Variants in SCN8A observed in about 807,000 individuals in gnomAD.
SCN8A encodes sodium voltage-gated channel alpha subunit 8.
A neutral mutation model predicts 184.1 loss-of-function variants in SCN8A; 30 were observed. That is an observed-to-expected ratio of 0.16 (90% CI 0.12 to 0.22). The LOEUF is 0.22. Among genes scored for constraint, SCN8A ranks in the 10% least tolerant of loss-of-function variants. The pLI, the probability that SCN8A is intolerant of heterozygous loss-of-function variation, is 1.00. For synonymous variants in SCN8A, 852 were observed against 907.0 expected (o/e 0.94, Z 1.09); for missense variants, 1,057 against 2,498.9 (o/e 0.42, Z 12.30).
intron 21 of SCN8A, among the ~76,000 whole-genome samples, chr12:51,781,761 A>G (rs1397556790): frequency 2.0e-5 from 3 of 152,226 alleles, no homozygotes; most frequent in African/African-American, 7.2e-5. Context: ...GGTCTGTTAT[A>G]CTTAACGAGA....
intron 21 of SCN8A, among the ~76,000 whole-genome samples, chr12:51,786,223 T>A (rs189216592): frequency 6.6e-6 from 1 of 152,212 alleles, no homozygotes; most frequent in African/African-American, 2.4e-5. Context: ...ATTTTATGAA[T>A]TGAGGAAGAG....
chr12:51,786,865 A>C, intron 22 of SCN8A, 39 bp downstream of exon 22: 1 of 1,569,992 alleles, frequency 6.4e-7, no homozygotes, highest in Non-Finnish European at 8.6e-7. Flanking sequence ...CAGTTCTGTG[A>C]AATTCAGGCA....
intron 1 of SCN8A, among the ~76,000 whole-genome samples, chr12:51,595,777 G>A (rs1408748261): frequency 2.0e-5 from 3 of 152,144 alleles, no homozygotes; most frequent in Non-Finnish European, 4.4e-5. Flanking sequence ...TGTATTTGAC[G>A]TAGTATATAT....
In SCN8A at chr12:51,701,142, A is replaced by G; in HGVS notation, c.929-2A>G. Reference sequence around the variant, plus strand: ...ATTTCCTGCCTCTTCAAACTTTTCTAGCAAATTTCTACACAGTTCCTGGCA... The same window carrying G: ...ATTTCCTGCCTCTTCAAACTTTTCTGGCAAATTTCTACACAGTTCCTGGCA... On this transcript the variant is annotated splice_acceptor_variant, in intron 7 of 26. Coordinates refer to ENST00000627620, the MANE Select transcript of SCN8A (RefSeq NM_001330260.2). LOFTEE classifies it high-confidence loss of function. 6.2e-7 allele frequency: 1 copy of G among 1,612,370 alleles called. No homozygotes were observed. Among genetic ancestry groups the G allele is most frequent in the Non-Finnish European group, 8.5e-7 (1 of 1,178,674 alleles).
At chr12:51,612,617 TTAATA>T (rs2138580180) in intron 1 of SCN8A, among the ~76,000 whole-genome samples, 2 of 152,368 alleles carry the variant, frequency 1.3e-5, no homozygotes, top group South Asian at 2.1e-4. Flanking sequence ...GTTTAGTCTG[TTAATA>T]TAATGAATTA....
intron 21 of SCN8A, among the ~76,000 whole-genome samples, chr12:51,785,036 CCTAAT>C (rs1404305469): frequency 1.3e-5 from 2 of 152,190 alleles, no homozygotes; most frequent in African/African-American, 4.8e-5. Context: ...TGAATCTTTA[CCTAAT>C]CTACTCCCGT....
rs1158605002 is a variant in SCN8A, at chr12:51,740,455, C to A, written c.1999-5448C>A. On this transcript the variant is annotated intron_variant, in intron 12 of 26. Transcript: ENST00000627620. ...TAATCTCCATGTGTTTGTATCATTT[C>A]CAAAATTCCTCTTATTGATTTCTGG... Among the ~76,000 whole-genome samples, 6 of 152,170 alleles carry A rather than the reference C, an allele frequency of 3.9e-5. No individual in the cohort carries two copies. The East Asian group carries it at 1.2e-3, about 29-fold the overall frequency.
At chr12:51,662,282 T>G (rs957356998) in intron 1 of SCN8A, among the ~76,000 whole-genome samples, 3 of 152,338 alleles carry the variant, frequency 2.0e-5, no homozygotes, top group African/African-American at 7.2e-5. Flanking sequence ...TTTGAAGGGT[T>G]TATTTTGTTT....
intron 1 of SCN8A, among the ~76,000 whole-genome samples, chr12:51,620,453 G>C (rs1290607169): frequency 6.6e-6 from 1 of 152,064 alleles, no homozygotes; most frequent in African/African-American, 2.4e-5. Context: ...GGTTTTGGTA[G>C]CTCTTCAAAT....
intron 1 of SCN8A, among the ~76,000 whole-genome samples, chr12:51,602,144 A>G (rs1445852852): frequency 6.6e-6 from 1 of 152,176 alleles, no homozygotes; most frequent in African/African-American, 2.4e-5. Flanking sequence ...GGTAGTATTA[A>G]GAAAAATCCA....
At position 51,719,564 on chromosome 12, in the gene SCN8A, C is replaced by T. The variant is rs1419764932; in HGVS notation, c.1636-1982C>T. On this transcript the variant is annotated intron_variant, in intron 11 of 26. Transcript: ENST00000627620. The stretch of plus-strand genomic sequence containing the variant: ...AAGTGTTAACAGGCTGGGCGTGGTG[C>T]CTCCCTCCTGTAATCCCAGCACTTT... 5.6e-5 allele frequency among the ~76,000 whole-genome samples: 5 copies of T among 89,742 alleles called. No homozygotes were observed. The East Asian group carries it at 1.2e-3, about 22-fold the overall frequency. The allele number at this position is 89,742 out of a possible 152,430, so 58.9% of individuals were successfully genotyped here. A position where few individuals can be genotyped will look rare whatever the true frequency, so the allele number is the denominator to read the frequency against.
chr12:51,595,711 A>G (rs1445332422), intron 1 of SCN8A, among the ~76,000 whole-genome samples: 1 of 152,164 alleles, frequency 6.6e-6, no homozygotes, highest in Non-Finnish European at 1.5e-5. Context: ...ATAGTGCTTA[A>G]TATATATTAG....
intron 2 of SCN8A, among the ~76,000 whole-genome samples, chr12:51,664,233 A>T (rs1940985379): frequency 6.6e-6 from 1 of 151,162 alleles, no homozygotes; most frequent in Admixed American, 6.6e-5. Context: ...TTTGAGACAG[A>T]GTCTCGCACT....
chr12:51,720,201 A>G (rs1444488007), intron 11 of SCN8A, among the ~76,000 whole-genome samples: 1 of 151,134 alleles, frequency 6.6e-6, no homozygotes, highest in Non-Finnish European at 1.5e-5. Context: ...TTTGAGAATT[A>G]TATACTTTAC....
chr12:51,773,182 G>A (rs1942956021), intron 19 of SCN8A, among the ~76,000 whole-genome samples: 1 of 151,484 alleles, frequency 6.6e-6, no homozygotes, highest in East Asian at 1.9e-4. Context: ...GGAAGGTGAC[G>A]CTGCAGACAA....
intron 6 of SCN8A, among the ~76,000 whole-genome samples, chr12:51,695,545 G>T (rs773035576): frequency 6.6e-6 from 1 of 152,164 alleles, no homozygotes; most frequent in Non-Finnish European, 1.5e-5. Flanking sequence ...GAACCCAAGG[G>T]CTGGAATGCA....
At chr12:51,664,144 A>G (rs954101692) in intron 2 of SCN8A, among the ~76,000 whole-genome samples, 2 of 151,926 alleles carry the variant, frequency 1.3e-5, no homozygotes, top group Non-Finnish European at 2.9e-5. Flanking sequence ...AAATGATATG[A>G]TGTAAAGAAC....
chr12:51,807,474 T>G lies in SCN8A; in HGVS notation c.*45T>G, dbSNP rs969849100. On this transcript the variant is annotated 3_prime_UTR_variant, in exon 27 of 27. Coordinates refer to ENST00000627620, the MANE Select transcript of SCN8A (RefSeq NM_001330260.2). This position sits in a 1 kb window ranked among gnomAD's most constrained non-coding sequence, Gnocchi z 4.5. ...ATTATACAGATCTAAAACTCGCAAG[T>G]GAAAGATTGTTTACAAACTTCCTGA... is the stretch of plus-strand genomic sequence containing the variant. The G allele has an allele frequency of 1.3e-6, 2 of 1,545,726 alleles. No individual in the cohort carries two copies. The highest frequency in any genetic ancestry group is 1.8e-6 in the Non-Finnish European group (2 of 1,137,722).
At chr12:51,682,566 A>G (rs1941352935) in intron 2 of SCN8A, among the ~76,000 whole-genome samples, 1 of 152,236 alleles carries the variant, frequency 6.6e-6, no homozygotes. Flanking sequence ...CTAGAAGGAT[A>G]TACAAAAAAA....
Sources: gnomAD v4.1 joint callset for allele counts (sites outside exome capture counted in the v4.1 genomes callset) on GRCh38, gnomAD v4.1.1 for gene constraint, Gnocchi (gnomAD v3.1) non-coding constraint, MANE v1.5 for transcripts, NCBI Gene and HGNC (gene_info 2026-07-23, HGNC 2026-07-21) for gene names.